Variants in PKHD1 observed in about 807,000 individuals in gnomAD.
PKHD1 encodes the protein fibrocystin.
PKHD1 carries 291 observed loss-of-function variants against 412.0 expected under a neutral mutation model. The ratio of observed to expected loss-of-function variants is 0.71; its 90% CI spans 0.64 to 0.78. The LOEUF (loss-of-function observed/expected upper bound fraction) is 0.78. PKHD1 is among the 30% of genes least tolerant of loss of function. The pLI is 0.00. For missense variants in PKHD1, 4,825 were observed against 4,950.7 expected (o/e 0.97, Z 0.76); for synonymous variants, 1,777 against 1,821.5 (o/e 0.98, Z 0.62).
At chr6:51,896,599 CA>C (rs1405341640) in intron 43 of PKHD1, among the ~76,000 whole-genome samples, 1 of 152,038 alleles carries the variant, frequency 6.6e-6, no homozygotes, top group African/African-American at 2.4e-5. Flanking sequence ...CTCTAAAAAG[CA>C]GAGCACCTCT....
chr6:51,926,635 C>G (rs1785672472), intron 37 of PKHD1, among the ~76,000 whole-genome samples: 1 of 152,118 alleles, frequency 6.6e-6, no homozygotes, highest in Admixed American at 6.6e-5. Context: ...AGCATGTTCA[C>G]TTAAATGTGT....
At chr6:51,728,575 G>A (rs1782867056) in intron 60 of PKHD1, among the ~76,000 whole-genome samples, 1 of 152,154 alleles carries the variant, frequency 6.6e-6, no homozygotes, top group Admixed American at 6.5e-5. Context: ...CAACTACATG[G>A]AACTGAATCT....
intron 53 of PKHD1, among the ~76,000 whole-genome samples, chr6:51,786,643 G>A (rs546605286): frequency 1.3e-5 from 2 of 152,208 alleles, no homozygotes; most frequent in East Asian, 1.9e-4. Context: ...ATATGTACCT[G>A]TTCACATCTC....
Position 51,652,580 on chromosome 6 carries a change from T to TTTC in PKHD1, c.11175-3361_11175-3360insGAA, listed in dbSNP as rs1771158631. ...CTCTCTTGTTTTTTTTTTTTTTTTT[T>TTTC]TTTTTTTTTTTTTTTTGAGACGGAG... is the stretch of plus-strand genomic sequence containing the variant. On this transcript the variant is annotated intron_variant, in intron 61 of 66. Coordinates refer to ENST00000371117, the MANE Select transcript of PKHD1 (RefSeq NM_138694.4). Among the ~76,000 whole-genome samples the TTTC allele has an allele frequency of 2.1e-3, 2 of 944 alleles. 1 individual carries two copies. The highest frequency in any genetic ancestry group is 2.7e-3 in the Non-Finnish European group (2 of 742). The allele number at this position is 944 out of a possible 152,430, so 0.6% of individuals were successfully genotyped here.
intron 36 of PKHD1, among the ~76,000 whole-genome samples, chr6:51,940,101 A>G (rs1788234527): frequency 6.6e-6 from 1 of 151,604 alleles, no homozygotes; most frequent in African/African-American, 2.4e-5. Flanking sequence ...AGCCCAGTTC[A>G]TGGTTCGTTC....
chr6:52,077,867 C>G (rs1004970200), intron 5 of PKHD1, among the ~76,000 whole-genome samples: 3 of 151,824 alleles, frequency 2.0e-5, no homozygotes, highest in Non-Finnish European at 4.4e-5. Flanking sequence ...CATTCAGTCC[C>G]CACCCCACCC....
intron 27 of PKHD1, among the ~76,000 whole-genome samples, chr6:52,036,759 G>GA (rs1371868874): frequency 6.6e-6 from 1 of 152,012 alleles, no homozygotes; most frequent in Non-Finnish European, 1.5e-5. Flanking sequence ...TAAAAAAATT[G>GA]AAAAAATATT....
At chr6:52,002,201 T>C (rs979276122) in intron 35 of PKHD1, among the ~76,000 whole-genome samples, 1 of 152,190 alleles carries the variant, frequency 6.6e-6, no homozygotes, top group African/African-American at 2.4e-5. Flanking sequence ...CTTTTAGGTT[T>C]CTCCTACTAT....
intron 43 of PKHD1, among the ~76,000 whole-genome samples, chr6:51,898,127 T>A (rs1780459137): frequency 6.6e-6 from 1 of 151,810 alleles, no homozygotes. Flanking sequence ...TCAACAAGGA[T>A]ACCCAGGAAT....
chr6:52,031,333 G>A (rs991567994), intron 29 of PKHD1, among the ~76,000 whole-genome samples: 5 of 152,132 alleles, frequency 3.3e-5, no homozygotes, highest in African/African-American at 1.2e-4. Context: ...TCAACTACCT[G>A]AGCCTCAGTT....
chr6:51,913,729 T>C (rs970146969), intron 37 of PKHD1, among the ~76,000 whole-genome samples: 2 of 152,158 alleles, frequency 1.3e-5, no homozygotes, highest in Non-Finnish European at 2.9e-5. Context: ...TTCCTCTTTA[T>C]TTATTTGTCT....
At chr6:52,001,156 G>C (rs1195156864) in intron 35 of PKHD1, among the ~76,000 whole-genome samples, 1 of 152,052 alleles carries the variant, frequency 6.6e-6, no homozygotes, top group African/African-American at 2.4e-5. Context: ...AAATATAACT[G>C]TGTCATTGCT....
At position 52,076,421 on chromosome 6, in the gene PKHD1, T is replaced by C. The variant is rs566928245; in HGVS notation, c.391-88A>G. 4 of 918,680 alleles carry C rather than the reference T, an allele frequency of 4.4e-6. No individual in the cohort carries two copies. The African/African-American group carries it at 4.9e-5, about 11-fold the overall frequency. 56.9% of individuals were successfully genotyped at this position (918,680 alleles called of 1,614,324 possible). On this transcript the variant is annotated intron_variant, in intron 5 of 66. Coordinates refer to ENST00000371117, the MANE Select transcript of PKHD1 (RefSeq NM_138694.4). ...CAAGCCTTTCCTCAGACAGCATTAC[T>C]TGAAGGTAATAAATGCTTATATTTA... is the stretch of plus-strand genomic sequence containing the variant.
At chr6:51,630,326 A>G (rs1029640539) in intron 65 of PKHD1, among the ~76,000 whole-genome samples, 1 of 152,156 alleles carries the variant, frequency 6.6e-6, no homozygotes, top group Non-Finnish European at 1.5e-5. Flanking sequence ...CAAAAACAAT[A>G]CATTGCAATA....
chr6:51,896,074 G>C (rs549210324), intron 43 of PKHD1, among the ~76,000 whole-genome samples: 1 of 152,172 alleles, frequency 6.6e-6, no homozygotes, highest in Non-Finnish European at 1.5e-5. Context: ...ACTGCAAGTC[G>C]GTAGCCAGGC....
Position 51,789,308 on chromosome 6 carries a change from T to C in PKHD1, c.8440+1928A>G, listed in dbSNP as rs564042464. Among the ~76,000 whole-genome samples, 26 of 152,322 alleles carry C rather than the reference T, an allele frequency of 1.7e-4. No homozygotes were observed. The South Asian group carries it at 2.3e-3, about 13-fold the overall frequency. On this transcript the variant is annotated intron_variant, in intron 53 of 66. Transcript: ENST00000371117. ...CCTAAGGAAATGAAGATATGAATAA[T>C]GATTTAATTATTGAATGTTCATTGC...
At chr6:51,703,997 T>TTATTTCCAAAAGTTTATTTCCAAAAGTA (rs1193332298) in intron 60 of PKHD1, among the ~76,000 whole-genome samples, 7 of 152,044 alleles carry the variant, frequency 4.6e-5, no homozygotes, top group Non-Finnish European at 8.8e-5. Context: ...AAAAGTCTGT[T>TTATTTCCAAAAGTTTATTTCCAAAAGTA]GCTACCTCAG....
rs548097132 is a variant in PKHD1 at position 51,709,060 on chromosome 6, G to A, written c.10156+35325C>T. ...TGCTAACTCCTGCCTTAGATCATAAGCATAGGTCCCCCTACTACGTGCTCC... is the reference window on the plus strand; with the variant it reads ...TGCTAACTCCTGCCTTAGATCATAAACATAGGTCCCCCTACTACGTGCTCC... On this transcript the variant is annotated intron_variant, in intron 60 of 66. Transcript: ENST00000371117. Among the ~76,000 whole-genome samples, 32 of 152,250 alleles carry A rather than the reference G, an allele frequency of 2.1e-4. No individual in the cohort carries two copies. The South Asian group carries it at 6.6e-3, about 32-fold the overall frequency.
intron 27 of PKHD1, among the ~76,000 whole-genome samples, chr6:52,036,464 T>C (rs971859235): frequency 1.3e-5 from 2 of 152,218 alleles, no homozygotes; most frequent in East Asian, 1.9e-4. Flanking sequence ...ATCTAGCTAA[T>C]GTATAATGAT....
Sources: allele counts gnomAD v4.1 joint callset (sites outside exome capture counted in the v4.1 genomes callset), GRCh38; gene constraint gnomAD v4.1.1; transcripts MANE v1.5; gene names NCBI Gene and HGNC (gene_info 2026-07-23, HGNC 2026-07-21).